Variants in ELOVL6 observed in about 807,000 individuals in gnomAD.
ELOVL6 encodes ELOVL fatty acid elongase 6, also known as very long chain fatty acid elongase 6.
ELOVL6 carries 8 observed loss-of-function variants against 31.7 expected under a neutral mutation model. The ratio of observed to expected loss-of-function variants is 0.25; its 90% CI spans 0.15 to 0.45. The LOEUF (loss-of-function observed/expected upper bound fraction) is 0.45. Ranked by LOEUF, ELOVL6 falls within the 20% of genes least tolerant of loss-of-function variation. The probability of loss-of-function intolerance (pLI) is 1.00; values close to 1 mark genes in which losing one functional copy is unlikely to be tolerated. For synonymous variants in ELOVL6, 101 were observed against 117.7 expected (o/e 0.86, Z 0.92); for missense variants, 126 against 326.4 (o/e 0.39, Z 4.73).
intron 2 of ELOVL6, among the ~76,000 whole-genome samples, chr4:110,090,419 C>T (rs1756384521): frequency 6.6e-6 from 1 of 152,004 alleles, no homozygotes. Flanking sequence ...TTAAAAGATG[C>T]AATTTATGCC....
chr4:110,133,360 C>A (rs1049667099), intron 1 of ELOVL6, among the ~76,000 whole-genome samples: 1 of 152,158 alleles, frequency 6.6e-6, no homozygotes, highest in Non-Finnish European at 1.5e-5. Flanking sequence ...GGCAAATAAA[C>A]CTCAAACCTC....
intron 2 of ELOVL6, among the ~76,000 whole-genome samples, chr4:110,081,775 G>A (rs1560811502): frequency 6.7e-6 from 1 of 149,314 alleles, no homozygotes; most frequent in Non-Finnish European, 1.5e-5. Context: ...CTTCTGCACA[G>A]CAAAAGAAAC....
rs180911379 is a variant in ELOVL6, at chr4:110,147,204, T to C, written c.90-41576A>G. The C allele has an allele frequency of 1.9e-4, 30 of 161,278 alleles. No homozygotes were observed. In the East Asian group the frequency reaches 5.5e-3, roughly 29 times the overall value. 10.0% of individuals were successfully genotyped at this position (161,278 alleles called of 1,614,324 possible). On this transcript the variant is annotated intron_variant, in intron 1 of 3. Transcript: ENST00000302274. ...AGGAGGTTGGATACAGAAAAAGATA[T>C]CCCAAAAGAAACTGAAGAAACAAAA...
chr4:110,102,445 A>C (rs563230425), intron 2 of ELOVL6, among the ~76,000 whole-genome samples: 5 of 152,238 alleles, frequency 3.3e-5, no homozygotes, highest in African/African-American at 1.2e-4. Flanking sequence ...AGAATGGTAA[A>C]GATTGTTTGT....
Position 110,198,583 on chromosome 4 carries a change from C to G in ELOVL6, c.-248G>C, listed in dbSNP as rs564722087. On this transcript the variant is annotated 5_prime_UTR_variant, in exon 1 of 4. Transcript: ENST00000302274. ...TCCTCCTCCCGGCGTCCGCATCCACCGTAGGAGGAAATGAATGCCTTGCGG... is the reference window on the plus strand; with the variant it reads ...TCCTCCTCCCGGCGTCCGCATCCACGGTAGGAGGAAATGAATGCCTTGCGG... 2.2e-6 allele frequency: 1 copy of G among 456,892 alleles called. No individual in the cohort carries two copies. The highest frequency in any genetic ancestry group is 3.9e-6 in the Non-Finnish European group (1 of 257,758). The allele number at this position is 456,892 out of a possible 1,614,324, so 28.3% of individuals were successfully genotyped here.
chr4:110,167,683 AT>A (rs1758818249), intron 1 of ELOVL6, among the ~76,000 whole-genome samples: 2 of 151,220 alleles, frequency 1.3e-5, no homozygotes, highest in African/African-American at 2.4e-5. Context: ...GTATGTATGT[AT>A]GTATGTATGT....
In ELOVL6 at chr4:110,086,126, C is replaced by T. The variant is rs569653617; in HGVS notation, c.221+19371G>A. On this transcript the variant is annotated intron_variant, in intron 2 of 3. Coordinates refer to ENST00000302274, the MANE Select transcript of ELOVL6 (RefSeq NM_024090.3). ...CCTCAGATGCTCATAAAATCATATTCCTATCTAATCGAAGCCACTAATGAA... is the reference window on the plus strand; with the variant it reads ...CCTCAGATGCTCATAAAATCATATTTCTATCTAATCGAAGCCACTAATGAA... 9.2e-5 allele frequency among the ~76,000 whole-genome samples: 14 copies of T among 152,276 alleles called. No individual in the cohort carries two copies. The South Asian group carries it at 1.0e-3, about 11-fold the overall frequency.
At chr4:110,105,771 C>T (rs10011926) in intron 1 of ELOVL6, 143 bp from the exon 2 acceptor site, 191,724 of 697,072 alleles carry the variant, frequency 0.28, 32,429 homozygotes, top group East Asian at 0.71. Flanking sequence ...CTAGTCTACA[C>T]GGCAAACTAG....
chr4:110,166,054 G>GCCCA (rs1313088395), intron 1 of ELOVL6, among the ~76,000 whole-genome samples: 1 of 152,122 alleles, frequency 6.6e-6, no homozygotes, highest in African/African-American at 2.4e-5. Context: ...ATCAACAAAA[G>GCCCA]CCCAGCTCAG....
At chr4:110,090,281 G>A (rs2126239081) in intron 2 of ELOVL6, among the ~76,000 whole-genome samples, 1 of 152,186 alleles carries the variant, frequency 6.6e-6, no homozygotes, top group East Asian at 1.9e-4. Context: ...CTTTTTTTCT[G>A]TGGGTTCCTT....
intron 1 of ELOVL6, among the ~76,000 whole-genome samples, chr4:110,168,547 T>C (rs964430233): frequency 2.6e-5 from 4 of 151,576 alleles, no homozygotes; most frequent in African/African-American, 7.3e-5. Context: ...TCAAATTCAA[T>C]GGATGCAATC....
chr4:110,117,057 T>C (rs929729694), intron 1 of ELOVL6, among the ~76,000 whole-genome samples: 4 of 152,220 alleles, frequency 2.6e-5, no homozygotes, highest in Non-Finnish European at 4.4e-5. Flanking sequence ...GCCTCCACCA[T>C]GGGTTCTCAC....
chr4:110,196,539 T>A (rs896964371), intron 1 of ELOVL6, among the ~76,000 whole-genome samples: 2 of 152,188 alleles, frequency 1.3e-5, no homozygotes, highest in African/African-American at 4.8e-5. Flanking sequence ...CCGAGGTCTA[T>A]CTGCGGTCTC....
intron 1 of ELOVL6, among the ~76,000 whole-genome samples, chr4:110,158,530 C>G (rs1220247766): frequency 7.3e-6 from 1 of 137,382 alleles, no homozygotes; most frequent in Admixed American, 7.3e-5. Context: ...TAACCATTCT[C>G]TAATTGGCAG....
At chr4:110,187,612 C>T (rs1411786966) in intron 1 of ELOVL6, among the ~76,000 whole-genome samples, 1 of 151,256 alleles carries the variant, frequency 6.6e-6, no homozygotes, top group African/African-American at 2.4e-5. Context: ...AGGAGGATCA[C>T]TTGAACCCAG....
intron 2 of ELOVL6, among the ~76,000 whole-genome samples, chr4:110,094,247 T>G (rs528925094): frequency 1.2e-3 from 138 of 111,424 alleles, no homozygotes; most frequent in African/African-American, 4.8e-3. Flanking sequence ...AAACTCCATC[T>G]CAAAAAAAAA....
At chr4:110,097,651 G>A (rs1047212246) in intron 2 of ELOVL6, among the ~76,000 whole-genome samples, 1 of 151,892 alleles carries the variant, frequency 6.6e-6, no homozygotes, top group South Asian at 2.1e-4. Context: ...TGTTATCTAG[G>A]TGTGTGTTAT....
chr4:110,100,502 G>T (rs1167766429), intron 2 of ELOVL6, among the ~76,000 whole-genome samples: 1 of 151,712 alleles, frequency 6.6e-6, no homozygotes, highest in South Asian at 2.1e-4. Flanking sequence ...TTTTTTTTAA[G>T]TATGCTGCAG....
At position 110,046,255 on chromosome 4, in the gene ELOVL6, G is replaced by A. The variant is rs1032096313; in HGVS notation, c.*5083C>T. ...AGTCAGAACCCTTCATGGCCGGCCCGAATGGGTTATAAATGTGGCTTGACC... is the reference window on the plus strand; with the variant it reads ...AGTCAGAACCCTTCATGGCCGGCCCAAATGGGTTATAAATGTGGCTTGACC... On this transcript the variant is annotated 3_prime_UTR_variant, in exon 4 of 4. Coordinates refer to ENST00000302274, the MANE Select transcript of ELOVL6 (RefSeq NM_024090.3). 2.6e-5 allele frequency: 4 copies of A among 152,162 alleles called. No homozygotes were observed. Among genetic ancestry groups the A allele is most frequent in the Non-Finnish European group, 4.4e-5 (3 of 68,034 alleles). 9.4% of individuals were successfully genotyped at this position (152,162 alleles called of 1,614,324 possible).
Sources: allele counts gnomAD v4.1 joint callset (sites outside exome capture counted in the v4.1 genomes callset), GRCh38; gene constraint gnomAD v4.1.1; transcripts MANE v1.5; gene names NCBI Gene and HGNC (gene_info 2026-07-23, HGNC 2026-07-21).